The following FER1L6 variants were observed in gnomAD, a reference collection of about 807,000 sequenced individuals.
The protein encoded by FER1L6 is fer-1-like protein 6.
Under a neutral mutation model 219.2 loss-of-function variants are expected in FER1L6, and 177 were observed. The observed-to-expected ratio is 0.81, with a 90% CI of 0.71 to 0.91. The LOEUF (loss-of-function observed/expected upper bound fraction) is 0.91, where lower values mean the gene tolerates loss of function less well. FER1L6 is among the 40% of genes least tolerant of loss of function. The probability of loss-of-function intolerance (pLI) is 0.00; values close to 1 mark genes in which losing one functional copy is unlikely to be tolerated. For synonymous variants in FER1L6, 768 were observed against 824.3 expected (o/e 0.93, Z 1.17); for missense variants, 2,153 against 2,259.9 (o/e 0.95, Z 0.96).
In FER1L6 at chr8:124,067,820, C is replaced by G. The variant is rs750272285; in HGVS notation, c.3718+14C>G. The G allele has an allele frequency of 6.2e-7, 1 of 1,609,862 alleles. No homozygotes were observed. The highest frequency in any genetic ancestry group is 1.1e-5 in the South Asian group (1 of 90,950). ...AAGGCAATACAGGTAAGCAGTTATT[C>G]TGGGGACATTTGTCCATAGAATAGG... is the stretch of plus-strand genomic sequence containing the variant. On this transcript the variant is annotated intron_variant, in intron 28 of 40. Coordinates refer to ENST00000522917, the MANE Select transcript of FER1L6 (RefSeq NM_001039112.2).
chr8:124,090,503 C>G (rs1821982651), intron 33 of FER1L6, among the ~76,000 whole-genome samples: 2 of 152,206 alleles, frequency 1.3e-5, no homozygotes, highest in Admixed American at 6.5e-5. Flanking sequence ...ACAAGCATGC[C>G]TATTTCTGGG....
At chr8:124,098,683 C>A (rs7822018) in intron 37 of FER1L6, among the ~76,000 whole-genome samples, 122,462 of 152,158 alleles carry the variant, frequency 0.8, 49,582 homozygotes, top group Non-Finnish European at 0.86. Context: ...TATCTCATCA[C>A]CAGTTTAGGA....
chr8:124,009,892 T>A (rs1342623631), intron 13 of FER1L6, among the ~76,000 whole-genome samples: 7 of 142,508 alleles, frequency 4.9e-5, no homozygotes, highest in East Asian at 2.5e-4. Flanking sequence ...GAAGGTCAGG[T>A]AGCTGGCAAC....
rs749722123 is a variant in FER1L6 at position 124,061,963 on chromosome 8, C to T, written c.3259C>T (p.Gln1087Ter). 2 of 1,614,180 alleles carry T rather than the reference C, an allele frequency of 1.2e-6. No homozygotes were observed. The highest frequency in any genetic ancestry group is 4.5e-5 in the East Asian group (2 of 44,870). The change falls in exon 25 of 41, where the codon CAG becomes TAG. Residue 1087 changes from glutamine to a stop codon, truncating the protein, a stop_gained. Transcript: ENST00000522917. LOFTEE classifies it high-confidence loss of function. ...VGTYTINYLK[Q>*]FLCKLREPLA... ...CACCTACACCATCAACTACTTGAAG[C>T]AGTTTTTGTGTAAACTCAGAGAGCC...
intron 6 of FER1L6, among the ~76,000 whole-genome samples, chr8:123,971,553 G>T (rs567098745): frequency 6.6e-6 from 1 of 152,332 alleles, no homozygotes. Flanking sequence ...GAGGATCAAA[G>T]CTACCATTGC....
chr8:123,870,694 G>A (rs181945844), intron 1 of FER1L6, among the ~76,000 whole-genome samples: 25 of 152,292 alleles, frequency 1.6e-4, no homozygotes, highest in Middle Eastern at 3.4e-3. Context: ...ATGTTTTAGC[G>A]TGATGAAACT....
intron 14 of FER1L6, among the ~76,000 whole-genome samples, chr8:124,011,416 C>T (rs914938757): frequency 6.6e-6 from 1 of 152,170 alleles, no homozygotes; most frequent in African/African-American, 2.4e-5. Context: ...AATGCAGTGG[C>T]ACAATCACAG....
chr8:123,853,760 C>T lies in FER1L6; in HGVS notation c.-8+1575C>T, dbSNP rs1255747081. The stretch of plus-strand genomic sequence containing the variant: ...GAAAAGGCCAGAAAGCTGCAGACAA[C>T]CCAACAGTGTCAAGCACAGAGGCTG... On this transcript the variant is annotated intron_variant, in intron 1 of 40. Transcript: ENST00000522917. The surrounding 1 kb of genome is among the most constrained non-coding windows in gnomAD (Gnocchi z 6.6). Among the ~76,000 whole-genome samples, 2 of 152,180 alleles carry T rather than the reference C, an allele frequency of 1.3e-5. No individual in the cohort carries two copies. Among genetic ancestry groups the T allele is most frequent in the African/African-American group, 2.4e-5 (1 of 41,450 alleles).
intron 12 of FER1L6, among the ~76,000 whole-genome samples, chr8:123,996,540 TGTA>T (rs1471821949): frequency 6.6e-6 from 1 of 152,174 alleles, no homozygotes; most frequent in African/African-American, 2.4e-5. Flanking sequence ...GTGTGTTTCT[TGTA>T]GGCAGCAGAT....
At chr8:123,971,935 A>G (rs1029481171) in intron 6 of FER1L6, among the ~76,000 whole-genome samples, 1 of 152,218 alleles carries the variant, frequency 6.6e-6, no homozygotes, top group Non-Finnish European at 1.5e-5. Flanking sequence ...CAACCACTGG[A>G]TGGATGACTT....
chr8:123,890,624 G>GTTTTT (rs1812626650), intron 1 of FER1L6, among the ~76,000 whole-genome samples: 1 of 51,536 alleles, frequency 1.9e-5, no homozygotes, highest in Non-Finnish European at 4.0e-5. Context: ...TTAAAAATTT[G>GTTTTT]ATTTTTTTTT....
chr8:123,854,995 C>T (rs1015502896), intron 1 of FER1L6, among the ~76,000 whole-genome samples: 1 of 152,206 alleles, frequency 6.6e-6, no homozygotes, highest in African/African-American at 2.4e-5. Context: ...TCACCTCTAC[C>T]TAGTTCTAAA....
intron 12 of FER1L6, among the ~76,000 whole-genome samples, chr8:124,002,849 AG>A (rs1033091690): frequency 6.0e-4 from 91 of 152,132 alleles, no homozygotes; most frequent in African/African-American, 2.1e-3. Context: ...CAAGGTTCTC[AG>A]GGACACTGCA....
rs1563740363 is a variant in FER1L6 at position 124,008,936 on chromosome 8, A to AGATCAAGACCACAATGC, written c.1701-1658_1701-1657insGATCAAGACCACAATGC. Reference sequence around the variant, plus strand: ...CCACAATGCTCAAAATGCACAAATGATCAAAATGCACAAATGCAAATCAAG... The same window carrying AGATCAAGACCACAATGC: ...CCACAATGCTCAAAATGCACAAATGAGATCAAGACCACAATGCTCAAAATGCACAAATGCAAATCAAG... On this transcript the variant is annotated intron_variant, in intron 13 of 40. Transcript: ENST00000522917. Among the ~76,000 whole-genome samples, 567 of 142,778 alleles carry AGATCAAGACCACAATGC rather than the reference A, an allele frequency of 4.0e-3. 3 individuals are homozygous for AGATCAAGACCACAATGC. Among genetic ancestry groups the AGATCAAGACCACAATGC allele is most frequent in the African/African-American group, 0.015 (540 of 35,616 alleles). The allele number at this position is 142,778 out of a possible 152,430, so 93.7% of individuals were successfully genotyped here. A position where few individuals can be genotyped will look rare whatever the true frequency, so the allele number is the denominator to read the frequency against.
rs572671886 is a variant in FER1L6, at chr8:123,968,541, T to C, written c.385-1494T>C. ...GAAGGTAATAAATATTGCAACTCAT[T>C]TGTCCATCCAAAGGAAGCCACAGCA... is the stretch of plus-strand genomic sequence containing the variant. On this transcript the variant is annotated intron_variant, in intron 5 of 40. Coordinates refer to ENST00000522917, the MANE Select transcript of FER1L6 (RefSeq NM_001039112.2). Among the ~76,000 whole-genome samples the C allele has an allele frequency of 3.7e-4, 56 of 152,326 alleles. 1 individual carries two copies. The highest frequency in any genetic ancestry group is 6.8e-3 in the Middle Eastern group (2 of 294).
intron 40 of FER1L6, 34 bp from the exon 41 acceptor site, chr8:124,119,573 C>G (rs201534651): frequency 1.5e-6 from 2 of 1,366,118 alleles, no homozygotes; most frequent in East Asian, 4.7e-5. Context: ...TGACAGGATG[C>G]CCCCTTTTTG....
chr8:123,995,295 T>C (rs1421847509), intron 12 of FER1L6, among the ~76,000 whole-genome samples: 1 of 152,256 alleles, frequency 6.6e-6, no homozygotes, highest in South Asian at 2.1e-4. Context: ...ACTGAAGCCA[T>C]GGGGTCCTGG....
intron 12 of FER1L6, among the ~76,000 whole-genome samples, chr8:124,001,178 G>A (rs1053027478): frequency 6.6e-6 from 1 of 152,196 alleles, no homozygotes; most frequent in African/African-American, 2.4e-5. Context: ...CTGCATATGG[G>A]AGTGTCCCCA....
rs1001810810 is a variant in FER1L6, at chr8:123,852,314, T to C, written c.-8+129T>C. 2.6e-5 allele frequency: 4 copies of C among 152,248 alleles called. No individual in the cohort carries two copies. The highest frequency in any genetic ancestry group is 9.7e-5 in the African/African-American group (4 of 41,428). The allele number at this position is 152,248 out of a possible 1,614,324, so 9.4% of individuals were successfully genotyped here. On this transcript the variant is annotated intron_variant, in intron 1 of 40. Transcript: ENST00000522917. This position sits in a 1 kb window ranked among gnomAD's most constrained non-coding sequence, Gnocchi z 4.9. Reference sequence around the variant, plus strand: ...CCCTTCCACAATGGAAGCAGTCCAATGTAATCAACCTGCCTCCAGGTAGCT... The same window carrying C: ...CCCTTCCACAATGGAAGCAGTCCAACGTAATCAACCTGCCTCCAGGTAGCT...
Sources: gnomAD v4.1 joint callset for allele counts (sites outside exome capture counted in the v4.1 genomes callset) on GRCh38, gnomAD v4.1.1 for gene constraint, Gnocchi (gnomAD v3.1) non-coding constraint, MANE v1.5 for transcripts, NCBI Gene and HGNC (gene_info 2026-07-23, HGNC 2026-07-21) for gene names.